BNC2: variants seen among roughly 807,000 people sequenced by gnomAD.
The protein encoded by BNC2 is basonuclin zinc finger protein 2, also known as zinc finger protein basonuclin-2.
A neutral mutation model predicts 76.3 loss-of-function variants in BNC2; 20 were observed. That is an observed-to-expected ratio of 0.26 (90% CI 0.18 to 0.38). BNC2 has a LOEUF of 0.38. Ranked by LOEUF, BNC2 falls within the 10% of genes least tolerant of loss-of-function variation. The pLI is 1.00. For synonymous variants in BNC2, 582 were observed against 514.8 expected, an observed-to-expected ratio of 1.13 and a Z score of -1.77; for missense variants, 1,382 against 1,399.8, an observed-to-expected ratio of 0.99 and a Z score of 0.20.
At chr9:16,705,592 T>C (rs952695189) in intron 3 of BNC2, among the ~76,000 whole-genome samples, 7 of 152,214 alleles carry the variant, frequency 4.6e-5, no homozygotes, top group African/African-American at 1.4e-4. Context: ...ACTGCTACTA[T>C]TGAAAGTCTT....
chr9:16,867,921 G>A (rs1819580986), intron 1 of BNC2: 1 of 152,172 alleles, frequency 6.6e-6, no homozygotes, highest in Non-Finnish European at 1.5e-5. Flanking sequence ...TTCATTAACT[G>A]CGGCTCTCTG....
At position 16,418,844 on chromosome 9, in the gene BNC2, G is replaced by GTA; in HGVS notation, c.*143_*144dup. The GTA allele has an allele frequency of 1.1e-6, 1 of 880,278 alleles. No individual in the cohort carries two copies. Among genetic ancestry groups the GTA allele is most frequent in the Non-Finnish European group, 1.8e-6 (1 of 552,694 alleles). The allele number at this position is 880,278 out of a possible 1,614,324, so 54.5% of individuals were successfully genotyped here. A position where few individuals can be genotyped will look rare whatever the true frequency, so the allele number is the denominator to read the frequency against. On this transcript the variant is annotated 3_prime_UTR_variant, in exon 7 of 7. Coordinates refer to ENST00000380672, the MANE Select transcript of BNC2 (RefSeq NM_017637.6). ...GTTTATCTCAAGGAAATACGTGTGT[G>GTA]TATATGTAGCCACAGAGCATACATA...
intron 1 of BNC2, among the ~76,000 whole-genome samples, chr9:16,773,138 G>A (rs565434222): frequency 1.3e-4 from 20 of 152,212 alleles, no homozygotes; most frequent in South Asian, 4.2e-4. Flanking sequence ...ACTATCAAGG[G>A]ACACTCTTGC....
chr9:16,571,191 CACTT>C (rs530741034), intron 4 of BNC2, among the ~76,000 whole-genome samples: 155 of 152,230 alleles, frequency 1.0e-3, no homozygotes, highest in African/African-American at 3.5e-3. Flanking sequence ...CAGATGTTCA[CACTT>C]AGTAAAAGGG....
chr9:16,554,795 T>C (rs939034385), intron 4 of BNC2, among the ~76,000 whole-genome samples: 1 of 152,216 alleles, frequency 6.6e-6, no homozygotes, highest in African/African-American at 2.4e-5. Context: ...CCGTTTCAGA[T>C]AGTTCTTTAC....
chr9:16,515,298 C>A (rs1244752139), intron 5 of BNC2, among the ~76,000 whole-genome samples: 6 of 152,214 alleles, frequency 3.9e-5, no homozygotes, highest in African/African-American at 1.2e-4. Context: ...TGCATCCCTG[C>A]GCCCGGTGAG....
intron 3 of BNC2, among the ~76,000 whole-genome samples, chr9:16,720,130 C>G (rs191787088): frequency 6.6e-6 from 1 of 152,338 alleles, no homozygotes; most frequent in African/African-American, 2.4e-5. Flanking sequence ...AAGAACCCTT[C>G]TACAGCAACA....
chr9:16,518,863 A>G (rs889653009), intron 5 of BNC2, among the ~76,000 whole-genome samples: 3 of 152,196 alleles, frequency 2.0e-5, no homozygotes, highest in African/African-American at 7.2e-5. Context: ...GGCCTCCCCA[A>G]GTGCAGGGAT....
chr9:16,605,147 G>T (rs141594931), intron 3 of BNC2, among the ~76,000 whole-genome samples: 28 of 152,294 alleles, frequency 1.8e-4, no homozygotes, highest in Middle Eastern at 3.4e-3. Flanking sequence ...ACTAGATTGT[G>T]ACCTCTATCT....
chr9:16,515,255 G>A (rs904783884), intron 5 of BNC2, among the ~76,000 whole-genome samples: 3 of 152,158 alleles, frequency 2.0e-5, no homozygotes, highest in Non-Finnish European at 2.9e-5. Flanking sequence ...AAATGGAGCC[G>A]CTTCAAAGCC....
chr9:16,619,985 A>G (rs1820819481), intron 3 of BNC2, among the ~76,000 whole-genome samples: 1 of 152,202 alleles, frequency 6.6e-6, no homozygotes, highest in African/African-American at 2.4e-5. Flanking sequence ...CCAGCATTCA[A>G]TGCACTCAGG....
intron 5 of BNC2, among the ~76,000 whole-genome samples, chr9:16,519,134 C>G (rs960135719): frequency 7.2e-5 from 11 of 152,154 alleles, no homozygotes; most frequent in Non-Finnish European, 7.3e-5. Flanking sequence ...ACCTTCTCAG[C>G]TGTCATTAAA....
chr9:16,820,226 G>C (rs1264130676), intron 1 of BNC2, among the ~76,000 whole-genome samples: 5 of 148,886 alleles, frequency 3.4e-5, no homozygotes. Flanking sequence ...AGAAGTTCAA[G>C]ACCACCCTGG....
Position 16,512,066 on chromosome 9 carries a change from A to G in BNC2, c.669+40464T>C, listed in dbSNP as rs10124368. Among the ~76,000 whole-genome samples the G allele has an allele frequency of 8.4e-3, 1,284 of 152,336 alleles. 14 individuals carry two copies. Among genetic ancestry groups the G allele is most frequent in the African/African-American group, 0.029 (1,190 of 41,566 alleles). ...AGCGATTAATCTATTGATCTATTTT[A>G]CCTATTAATCTATTGTATACACATG... On this transcript the variant is annotated intron_variant, in intron 5 of 6. Transcript: ENST00000380672.
At chr9:16,720,928 T>G (rs966666030) in intron 3 of BNC2, among the ~76,000 whole-genome samples, 1 of 152,202 alleles carries the variant, frequency 6.6e-6, no homozygotes, top group African/African-American at 2.4e-5. Flanking sequence ...TGAACTCCAG[T>G]CATAAATTTT....
At chr9:16,836,437 CAAT>C (rs1174182628) in intron 1 of BNC2, among the ~76,000 whole-genome samples, 1 of 150,082 alleles carries the variant, frequency 6.7e-6, no homozygotes, top group South Asian at 2.1e-4. Flanking sequence ...GAATCCCAAA[CAAT>C]AATATGGCCA....
intron 2 of BNC2, chr9:16,728,250 C>T (rs556364660): frequency 1.8e-6 from 1 of 556,104 alleles, no homozygotes; most frequent in East Asian, 3.3e-5. Context: ...GGAGACCCAA[C>T]CATCAGCTTC....
chr9:16,553,919 A>C lies in BNC2; in HGVS notation c.434-1154T>G, dbSNP rs1427387666. Among the ~76,000 whole-genome samples, 3 of 152,182 alleles carry C rather than the reference A, an allele frequency of 2.0e-5. No individual in the cohort carries two copies. The South Asian group carries it at 6.2e-4, about 32-fold the overall frequency. On this transcript the variant is annotated intron_variant, in intron 4 of 6. Coordinates refer to ENST00000380672, the MANE Select transcript of BNC2 (RefSeq NM_017637.6). ...GAGTGAGAGGCACTCTAAACTCCTT[A>C]AGAGAACACAAAAGGCATTCAAAAC...
At chr9:16,836,223 T>C (rs1818703157) in intron 1 of BNC2, among the ~76,000 whole-genome samples, 1 of 152,184 alleles carries the variant, frequency 6.6e-6, no homozygotes, top group African/African-American at 2.4e-5. Flanking sequence ...CTTTCCTTTG[T>C]GGGCCAAGTC....
Sources: allele counts gnomAD v4.1 joint callset (sites outside exome capture counted in the v4.1 genomes callset), GRCh38; gene constraint gnomAD v4.1.1; transcripts MANE v1.5; gene names NCBI Gene and HGNC (gene_info 2026-07-23, HGNC 2026-07-21).